The following PDE4A variants were observed in gnomAD, a reference collection of about 807,000 sequenced individuals.
The protein encoded by PDE4A is phosphodiesterase 4A, also known as 3',5'-cyclic-AMP phosphodiesterase 4A.
In PDE4A, 21 loss-of-function variants were observed where a neutral mutation model predicts 73.9. The ratio of observed to expected loss-of-function variants is 0.28; its 90% CI spans 0.20 to 0.41. The LOEUF (loss-of-function observed/expected upper bound fraction) is 0.41. PDE4A is among the 10% of genes least tolerant of loss of function. The pLI, the probability that PDE4A is intolerant of heterozygous loss-of-function variation, is 1.00. For synonymous variants in PDE4A, 463 were observed against 505.4 expected (o/e 0.92, Z 1.13); for missense variants, 958 against 1,211.4 (o/e 0.79, Z 3.10).
At chr19:10,420,350 G>A (rs1270854983), upstream of PDE4A, 2 of 976,920 alleles carry the variant, frequency 2.0e-6, no homozygotes, top group Non-Finnish European at 2.4e-6. This position sits in a 1 kb window ranked among gnomAD's most constrained non-coding sequence, Gnocchi z 6.0. Context: ...CTCCCAGCCC[G>A]GAGCGGGGAT....
chr19:10,462,071 C>T, intron 13 of PDE4A, 72 bp downstream of exon 13: 1 of 1,244,254 alleles, frequency 8.0e-7, no homozygotes, highest in Non-Finnish European at 1.1e-6. Context: ...GGGTAGCTAA[C>T]TGCCCCTTCC....
chr19:10,466,180 C>T (rs1349420153), intron 14 of PDE4A, among the ~76,000 whole-genome samples: 1 of 149,852 alleles, frequency 6.7e-6, no homozygotes, highest in Non-Finnish European at 1.5e-5. Context: ...GGTGCAGTGG[C>T]TCACGCCTGT....
chr19:10,448,990 G>T, intron 3 of PDE4A, 37 bp downstream of exon 3: 1 of 1,612,042 alleles, frequency 6.2e-7, no homozygotes. Flanking sequence ...GAGAGAAGGG[G>T]CTCCAATGCT....
At chr19:10,444,498 CAAA>C (rs1180202891) in intron 1 of PDE4A, among the ~76,000 whole-genome samples, 4 of 124,696 alleles carry the variant, frequency 3.2e-5, no homozygotes, top group Admixed American at 8.3e-5. Flanking sequence ...AACTCCATCT[CAAA>C]AAAAAAAAAA....
At chr19:10,464,882 A>G (rs1400784435) in intron 14 of PDE4A, among the ~76,000 whole-genome samples, 1 of 150,892 alleles carries the variant, frequency 6.6e-6, no homozygotes, top group Non-Finnish European at 1.5e-5. Flanking sequence ...ACACTCGGCT[A>G]ATTTTTGTAT....
intron 7 of PDE4A, among the ~76,000 whole-genome samples, chr19:10,455,615 T>C (rs1482995368): frequency 6.6e-6 from 1 of 150,942 alleles, no homozygotes; most frequent in African/African-American, 2.4e-5. Context: ...GCCTGGGCAA[T>C]AGAGTGAGAC....
intron 1 of PDE4A, among the ~76,000 whole-genome samples, chr19:10,423,522 A>G (rs1371594397): frequency 6.6e-6 from 1 of 152,126 alleles, no homozygotes; most frequent in Non-Finnish European, 1.5e-5. Context: ...TGGAATTGCA[A>G]CGCAGGTCCG....
chr19:10,449,186 A>G (rs1489734099), intron 4 of PDE4A, 36 bp downstream of exon 4: 1 of 1,605,344 alleles, frequency 6.2e-7, no homozygotes, highest in South Asian at 1.1e-5. Flanking sequence ...CTGTGATCAT[A>G]AGGTGAAGCA....
upstream of PDE4A, chr19:10,417,300 G>C: frequency 2.0e-6 from 2 of 984,888 alleles, no homozygotes; most frequent in Non-Finnish European, 2.4e-6. Flanking sequence ...ATGGGAGGGG[G>C]GCATTGACAT....
intron 2 of PDE4A, among the ~76,000 whole-genome samples, chr19:10,448,409 G>A (rs2043043280): frequency 6.6e-6 from 1 of 151,874 alleles, no homozygotes; most frequent in East Asian, 1.9e-4. Context: ...GGCCAAAGTG[G>A]GTAGATTGTT....
chr19:10,427,530 T>C, intron 1 of PDE4A: 1 of 985,422 alleles, frequency 1.0e-6, no homozygotes, highest in Non-Finnish European at 1.2e-6. Context: ...AGGTTGGCTT[T>C]AGGCCTCAGT....
rs919096098 is a variant in PDE4A, at chr19:10,424,741, G to T, written c.320+3657G>T. Among the ~76,000 whole-genome samples, 1 of 152,254 alleles carries T rather than the reference G, an allele frequency of 6.6e-6. No individual in the cohort carries two copies. The highest frequency in any genetic ancestry group is 2.4e-5 in the African/African-American group (1 of 41,478). On this transcript the variant is annotated intron_variant, in intron 1 of 14. Coordinates refer to ENST00000380702, the MANE Select transcript of PDE4A (RefSeq NM_001111307.2). The surrounding 1 kb of genome is among the most constrained non-coding windows in gnomAD (Gnocchi z 4.8). ...GCCAGCCCCTGCCACACGCTGCGGG[G>T]ACTGTCGTCTGGAGGACAGGGAGGA...
At position 10,454,837 on chromosome 19, in the gene PDE4A, G is replaced by A; in HGVS notation, c.792G>A (p.Arg264=). The change falls in exon 7 of 15, where the codon AGG becomes AGA. Residue 264 remains arginine (R), a synonymous_variant. Transcript: ENST00000380702. The part of the protein sequence containing the change: ...VSEMASHKFK[R]MLNRELTHLS... ...TGACTCCTTTACCTTAGTTCAAAAG[G>A]ATGTTGAACCGTGAGCTCACACACC... 6.2e-7 allele frequency: 1 copy of A among 1,614,010 alleles called. No homozygotes were observed. Among genetic ancestry groups the A allele is most frequent in the Non-Finnish European group, 8.5e-7 (1 of 1,179,932 alleles).
intron 1 of PDE4A, among the ~76,000 whole-genome samples, chr19:10,443,056 A>G (rs2042959449): frequency 6.6e-6 from 1 of 151,564 alleles, no homozygotes; most frequent in African/African-American, 2.4e-5. Context: ...GCACGTGCCT[A>G]TAGTCCCAGC....
intron 8 of PDE4A, 80 bp from the exon 9 acceptor site, chr19:10,459,320 A>C: frequency 1.2e-6 from 2 of 1,603,204 alleles, no homozygotes; most frequent in Non-Finnish European, 1.7e-6. Flanking sequence ...CCTTCAGACC[A>C]AGGCTTCAAA....
chr19:10,440,926 C>T (rs1193528721), intron 1 of PDE4A, among the ~76,000 whole-genome samples: 7 of 141,582 alleles, frequency 4.9e-5, no homozygotes, highest in Non-Finnish European at 6.0e-5. Context: ...TTGGTTGAGA[C>T]GGGGTTTCAC....
chr19:10,466,175 A>G, intron 14 of PDE4A, among the ~76,000 whole-genome samples: 1 of 146,130 alleles, frequency 6.8e-6, no homozygotes, highest in East Asian at 2.4e-4. Flanking sequence ...GGCCAGGTGC[A>G]GTGGCTCACG....
rs1322997458 is a variant in PDE4A, at chr19:10,468,726, C to G, written c.*1105C>G. 6.6e-6 allele frequency: 1 copy of G among 152,624 alleles called. No individual in the cohort carries two copies. The highest frequency in any genetic ancestry group is 2.4e-5 in the African/African-American group (1 of 41,354). The allele number at this position is 152,624 out of a possible 1,614,324, so 9.5% of individuals were successfully genotyped here. Reference sequence around the variant, plus strand: ...AGGAAGCAATAATGGTGTATACCCTCATTCTCATTCCTGGGCAGCCCTTCC... The same window carrying G: ...AGGAAGCAATAATGGTGTATACCCTGATTCTCATTCCTGGGCAGCCCTTCC... On this transcript the variant is annotated 3_prime_UTR_variant, in exon 15 of 15. Coordinates refer to ENST00000380702, the MANE Select transcript of PDE4A (RefSeq NM_001111307.2).
chr19:10,449,510 C>A (rs1250934117), intron 4 of PDE4A, among the ~76,000 whole-genome samples: 1 of 152,054 alleles, frequency 6.6e-6, no homozygotes, highest in Non-Finnish European at 1.5e-5. Flanking sequence ...CAGGCATGCA[C>A]CACCACACCG....
Sources: gnomAD v4.1 joint callset for allele counts (sites outside exome capture counted in the v4.1 genomes callset) on GRCh38, gnomAD v4.1.1 for gene constraint, Gnocchi (gnomAD v3.1) non-coding constraint, MANE v1.5 for transcripts, NCBI Gene and HGNC (gene_info 2026-07-23, HGNC 2026-07-21) for gene names.